Variants in GLRB observed in about 807,000 individuals in gnomAD.
GLRB encodes glycine receptor beta.
Under a neutral mutation model 54.2 loss-of-function variants are expected in GLRB, and 33 were observed. The ratio of observed to expected loss-of-function variants is 0.61; its 90% CI spans 0.46 to 0.81. The LOEUF is 0.81. Ranked by LOEUF, GLRB falls within the 40% of genes least tolerant of loss-of-function variation. GLRB has a pLI of 0.00. For synonymous variants in GLRB, 209 were observed against 208.2 expected, an observed-to-expected ratio of 1.00 and a Z score of -0.03; for missense variants, 572 against 584.6, an observed-to-expected ratio of 0.98 and a Z score of 0.22.
At chr4:157,084,278 G>C (rs990094598) in intron 2 of GLRB, among the ~76,000 whole-genome samples, 2 of 152,122 alleles carry the variant, frequency 1.3e-5, no homozygotes, top group Non-Finnish European at 2.9e-5. Context: ...GTTGAAGACT[G>C]TTTGAGTTTC....
intron 9 of GLRB, among the ~76,000 whole-genome samples, chr4:157,164,844 TTTTAAG>T (rs1452352711): frequency 3.9e-5 from 6 of 152,154 alleles, no homozygotes. Context: ...AATTATGTTA[TTTTAAG>T]TTTATCTTTA....
chr4:157,120,510 G>T (rs1251616223), intron 2 of GLRB, 46 bp from the exon 3 acceptor site: 3 of 992,984 alleles, frequency 3.0e-6, no homozygotes, highest in Non-Finnish European at 4.8e-6. Flanking sequence ...CATTTCTGTT[G>T]TTTGCTATTT....
chr4:157,151,421 G>A (rs1429595941), intron 8 of GLRB, among the ~76,000 whole-genome samples: 1 of 152,006 alleles, frequency 6.6e-6, no homozygotes, highest in Non-Finnish European at 1.5e-5. Context: ...GACAGTTAAT[G>A]TAAGACCTAC....
intron 7 of GLRB, among the ~76,000 whole-genome samples, chr4:157,139,240 G>A (rs193071042): frequency 2.6e-5 from 4 of 152,162 alleles, no homozygotes; most frequent in African/African-American, 9.6e-5. Context: ...GTTTTCAGAT[G>A]TTGTCAAGAA....
At chr4:157,136,726 A>G (rs373536708) in intron 5 of GLRB, 28 bp downstream of exon 5, 87 of 1,525,012 alleles carry the variant, frequency 5.7e-5, no homozygotes, top group Non-Finnish European at 7.9e-5. Context: ...ATATTTGTGC[A>G]TTTATATTTT....
At chr4:157,153,031 T>C (rs769509628) in intron 9 of GLRB, 21 bp downstream of exon 9, 9 of 1,594,514 alleles carry the variant, frequency 5.6e-6, no homozygotes, top group Admixed American at 1.7e-5. Flanking sequence ...AATTATGCCA[T>C]GAAATCATTT....
chr4:157,109,834 T>C (rs1308581164), intron 2 of GLRB, among the ~76,000 whole-genome samples: 1 of 151,972 alleles, frequency 6.6e-6, no homozygotes, highest in Non-Finnish European at 1.5e-5. Context: ...ACAAAGGATA[T>C]AGGTGATCAG....
intron 8 of GLRB, among the ~76,000 whole-genome samples, chr4:157,149,550 T>C (rs776107762): frequency 8.5e-5 from 13 of 152,092 alleles, no homozygotes; most frequent in Non-Finnish European, 1.5e-4. Flanking sequence ...ATAATTTGGG[T>C]CAAAGTTCCC....
At chr4:157,100,095 C>A (rs1734962452) in intron 2 of GLRB, among the ~76,000 whole-genome samples, 1 of 152,040 alleles carries the variant, frequency 6.6e-6, no homozygotes, top group Admixed American at 6.5e-5. Context: ...TTTTAACTTT[C>A]TTAACAGTAT....
At chr4:157,123,696 A>G (rs1026727005) in intron 4 of GLRB, among the ~76,000 whole-genome samples, 5 of 151,806 alleles carry the variant, frequency 3.3e-5, no homozygotes, top group Admixed American at 1.3e-4. Flanking sequence ...TAATCTGTCT[A>G]TATACTTCAC....
intron 4 of GLRB, among the ~76,000 whole-genome samples, chr4:157,130,513 C>T (rs1442197419): frequency 6.6e-6 from 1 of 151,472 alleles, no homozygotes; most frequent in Non-Finnish European, 1.5e-5. Context: ...TATTCTTAGT[C>T]TTGATATTTT....
At chr4:157,107,574 C>T (rs1286010073) in intron 2 of GLRB, among the ~76,000 whole-genome samples, 1 of 152,022 alleles carries the variant, frequency 6.6e-6, no homozygotes, top group African/African-American at 2.4e-5. Context: ...CCTAACTCTT[C>T]TTAATTCTAT....
At chr4:157,123,615 T>A (rs1358848417) in intron 4 of GLRB, among the ~76,000 whole-genome samples, 1 of 151,808 alleles carries the variant, frequency 6.6e-6, no homozygotes, top group East Asian at 1.9e-4. Flanking sequence ...AGGAGACCTT[T>A]CTGAAATAAA....
At chr4:157,118,377 G>T (rs1363813870) in intron 2 of GLRB, among the ~76,000 whole-genome samples, 1 of 151,548 alleles carries the variant, frequency 6.6e-6, no homozygotes, top group African/African-American at 2.4e-5. Context: ...ATTTTCCCAC[G>T]TGCGCTCATT....
At chr4:157,164,151 T>C (rs1274467711) in intron 9 of GLRB, among the ~76,000 whole-genome samples, 1 of 152,152 alleles carries the variant, frequency 6.6e-6, no homozygotes. Context: ...AGTATTTTTT[T>C]TTTTTGTCTC....
At chr4:157,137,540 A>C (rs1736447333) in intron 6 of GLRB, among the ~76,000 whole-genome samples, 1 of 151,914 alleles carries the variant, frequency 6.6e-6, no homozygotes, top group Admixed American at 6.6e-5. Flanking sequence ...ATCATCTTAT[A>C]ATAAGGTCGT....
intron 2 of GLRB, among the ~76,000 whole-genome samples, chr4:157,114,246 C>T (rs1439564128): frequency 1.3e-5 from 2 of 151,578 alleles, no homozygotes; most frequent in Admixed American, 1.3e-4. Context: ...TTATTATATA[C>T]ATAGTTTGCT....
intron 9 of GLRB, among the ~76,000 whole-genome samples, chr4:157,162,607 C>A (rs765964465): frequency 2.6e-5 from 4 of 152,174 alleles, no homozygotes; most frequent in Admixed American, 6.5e-5. Flanking sequence ...TCCACTCCAG[C>A]CCCTGTTTGC....
intron 9 of GLRB, among the ~76,000 whole-genome samples, chr4:157,166,629 C>G (rs779422772): frequency 3.3e-5 from 5 of 151,986 alleles, no homozygotes; most frequent in Admixed American, 6.6e-5. Flanking sequence ...GTTCCGTCCA[C>G]CCCACATGTG....
Sources: allele counts gnomAD v4.1 joint callset (sites outside exome capture counted in the v4.1 genomes callset), GRCh38; gene constraint gnomAD v4.1.1; transcripts MANE v1.5; gene names NCBI Gene and HGNC (gene_info 2026-07-23, HGNC 2026-07-21).